SLC24A2: variants seen among roughly 807,000 people sequenced by gnomAD.
The protein encoded by SLC24A2 is sodium/potassium/calcium exchanger 2.
A neutral mutation model predicts 62.0 loss-of-function variants in SLC24A2; 36 were observed. That is an observed-to-expected ratio of 0.58 (90% CI 0.44 to 0.77). SLC24A2 has a LOEUF of 0.77. SLC24A2 is among the 30% of genes least tolerant of loss of function. The probability of loss-of-function intolerance (pLI) is 0.00; values close to 1 mark genes in which losing one functional copy is unlikely to be tolerated. For synonymous variants in SLC24A2, 358 were observed against 294.0 expected, an observed-to-expected ratio of 1.22 and a Z score of -2.23; for missense variants, 846 against 817.9, an observed-to-expected ratio of 1.03 and a Z score of -0.42.
chr9:19,631,180 T>G (rs1056860582), intron 2 of SLC24A2, among the ~76,000 whole-genome samples: 1 of 152,234 alleles, frequency 6.6e-6, no homozygotes, highest in Non-Finnish European at 1.5e-5. Context: ...AGTAAATGCA[T>G]GTTTAATAAT....
At chr9:19,931,116 A>T in the SLC24A2 span, among the ~76,000 whole-genome samples, 1 of 152,316 alleles carries the variant, frequency 6.6e-6, no homozygotes, top group South Asian at 2.1e-4. Context: ...AACAAAAATT[A>T]AAAACACTTA....
At chr9:20,131,133 G>A in the SLC24A2 span, among the ~76,000 whole-genome samples, 3 of 151,226 alleles carry the variant, frequency 2.0e-5, no homozygotes, top group Non-Finnish European at 2.9e-5. Context: ...TCAAAGCAGG[G>A]CTTGCTTTTC....
chr9:19,685,688 A>T (rs1391643804), intron 2 of SLC24A2, among the ~76,000 whole-genome samples: 1 of 152,134 alleles, frequency 6.6e-6, no homozygotes, highest in African/African-American at 2.4e-5. Context: ...TCCCTATTCA[A>T]AAAATGGTGC....
At chr9:19,932,143 T>C in the SLC24A2 span, among the ~76,000 whole-genome samples, 1 of 152,088 alleles carries the variant, frequency 6.6e-6, no homozygotes. Context: ...CTCTAAAAAA[T>C]AGTACCGAAC....
chr9:20,015,165 G>A, the SLC24A2 span, among the ~76,000 whole-genome samples: 2 of 152,186 alleles, frequency 1.3e-5, no homozygotes, highest in Non-Finnish European at 2.9e-5. Context: ...CCATCTTCAT[G>A]TATATAATAC....
chr9:20,101,728 T>A, the SLC24A2 span, among the ~76,000 whole-genome samples: 2 of 151,974 alleles, frequency 1.3e-5, no homozygotes, highest in African/African-American at 4.8e-5. Flanking sequence ...TGGTATCAAC[T>A]CAGGTCTGAA....
the SLC24A2 span, among the ~76,000 whole-genome samples, chr9:20,103,881 T>G: frequency 6.6e-6 from 1 of 152,104 alleles, no homozygotes; most frequent in Non-Finnish European, 1.5e-5. Context: ...GAAGAAGGCT[T>G]CAGACGATCA....
At chr9:19,637,398 T>C (rs930273445) in intron 2 of SLC24A2, among the ~76,000 whole-genome samples, 2 of 152,240 alleles carry the variant, frequency 1.3e-5, no homozygotes, top group Non-Finnish European at 2.9e-5. Flanking sequence ...TTTTTCTAAC[T>C]GTTGCCCGAC....
chr9:20,286,440 A>C, the SLC24A2 span, among the ~76,000 whole-genome samples: 68,763 of 152,050 alleles, frequency 0.45, 15,588 homozygotes, highest in Middle Eastern at 0.55. Context: ...ATAACTCCAT[A>C]TCTGGCATTC....
chr9:19,608,467 C>A (rs962877354), intron 4 of SLC24A2, among the ~76,000 whole-genome samples: 13 of 152,252 alleles, frequency 8.5e-5, no homozygotes, highest in African/African-American at 3.1e-4. Context: ...AAAGCCTTTA[C>A]AGAACAGACA....
the SLC24A2 span, among the ~76,000 whole-genome samples, chr9:19,937,139 T>G: frequency 3.3e-5 from 5 of 152,284 alleles, no homozygotes; most frequent in South Asian, 1.0e-3. Flanking sequence ...GGCCACACAT[T>G]TGGCTCTGAG....
the SLC24A2 span, among the ~76,000 whole-genome samples, chr9:19,921,357 A>C: frequency 4.0e-5 from 6 of 151,812 alleles, no homozygotes; most frequent in Admixed American, 3.9e-4. Flanking sequence ...CCCCGTCTCT[A>C]CTAAAAATAC....
At chr9:20,236,204 C>T in the SLC24A2 span, among the ~76,000 whole-genome samples, 1 of 152,174 alleles carries the variant, frequency 6.6e-6, no homozygotes, top group Non-Finnish European at 1.5e-5. Context: ...CAAAAGAGAA[C>T]ATGGAATCCC....
At chr9:20,191,198 A>G in the SLC24A2 span, among the ~76,000 whole-genome samples, 1 of 149,510 alleles carries the variant, frequency 6.7e-6, no homozygotes, top group Admixed American at 6.7e-5. Flanking sequence ...AGACCTTTGG[A>G]TCTCTTACTT....
At chr9:20,083,051 G>A in the SLC24A2 span, among the ~76,000 whole-genome samples, 1 of 152,128 alleles carries the variant, frequency 6.6e-6, no homozygotes, top group Non-Finnish European at 1.5e-5. Flanking sequence ...ACAGTGCCGG[G>A]GTCATTAAGC....
the SLC24A2 span, among the ~76,000 whole-genome samples, chr9:19,844,652 T>A: frequency 1.3e-5 from 2 of 152,124 alleles, no homozygotes; most frequent in Non-Finnish European, 2.9e-5. Flanking sequence ...TATTTTGACG[T>A]CTTACATTTA....
At chr9:20,261,886 C>G in the SLC24A2 span, among the ~76,000 whole-genome samples, 4 of 151,740 alleles carry the variant, frequency 2.6e-5, no homozygotes, top group African/African-American at 7.3e-5. Context: ...ACTACAGGCG[C>G]CCGCCACCAC....
chr9:20,194,019 T>C, the SLC24A2 span, among the ~76,000 whole-genome samples: 1,692 of 151,970 alleles, frequency 0.011, 31 homozygotes, highest in African/African-American at 0.039. Flanking sequence ...TGTGTAAATA[T>C]GAAAATTTAA....
At chr9:19,681,111 T>C (rs1248908784) in intron 2 of SLC24A2, among the ~76,000 whole-genome samples, 1 of 152,066 alleles carries the variant, frequency 6.6e-6, no homozygotes, top group Non-Finnish European at 1.5e-5. Context: ...CAGAAGTCAA[T>C]GCCCTTATAG....
Sources: allele counts gnomAD v4.1 joint callset (sites outside exome capture counted in the v4.1 genomes callset), GRCh38; gene constraint gnomAD v4.1.1; transcripts MANE v1.5; gene names NCBI Gene and HGNC (gene_info 2026-07-23, HGNC 2026-07-21).